AKAP8L: variants seen among roughly 807,000 people sequenced by gnomAD.
The protein encoded by AKAP8L is A-kinase anchoring protein 8 like.
In AKAP8L, 34 loss-of-function variants were observed where a neutral mutation model predicts 77.5. The observed-to-expected ratio is 0.44, with a 90% CI of 0.33 to 0.58. The LOEUF (loss-of-function observed/expected upper bound fraction) is 0.58. AKAP8L is among the 20% of genes least tolerant of loss of function. AKAP8L has a pLI of 0.02. For missense variants in AKAP8L, 806 were observed against 887.6 expected (o/e 0.91, Z 1.17); for synonymous variants, 342 against 340.7 (o/e 1.00, Z -0.04).
intron 2 of AKAP8L, among the ~76,000 whole-genome samples, chr19:15,408,900 G>A (rs887847598): frequency 1.3e-5 from 2 of 151,658 alleles, no homozygotes; most frequent in Non-Finnish European, 2.9e-5. Flanking sequence ...AGAAAAAATG[G>A]TTTTGTTTTT....
At chr19:15,413,782 T>A (rs911519546) in intron 1 of AKAP8L, among the ~76,000 whole-genome samples, 1 of 152,204 alleles carries the variant, frequency 6.6e-6, no homozygotes, top group Non-Finnish European at 1.5e-5. Context: ...GGTAATGTGA[T>A]CTGTGAGTAC....
rs186886949 is a variant in AKAP8L at position 15,400,047 on chromosome 19, C to T, written c.1048+248G>A. On this transcript the variant is annotated intron_variant, in intron 8 of 13. Transcript: ENST00000397410. ...CCACACTTTTACTAGCTGCCCCCAT[C>T]TGAAGGCAAAACCAGTGTGCTAGGC... 3.5e-3 allele frequency: 1,952 copies of T among 565,184 alleles called. 43 individuals are homozygous for T. The Admixed American group carries it at 0.039, about 11-fold the overall frequency. The allele number at this position is 565,184 out of a possible 1,614,324, so 35.0% of individuals were successfully genotyped here. A position where few individuals can be genotyped will look rare whatever the true frequency, so the allele number is the denominator to read the frequency against.
At chr19:15,408,666 G>C (rs887234074) in intron 2 of AKAP8L, among the ~76,000 whole-genome samples, 1 of 151,526 alleles carries the variant, frequency 6.6e-6, no homozygotes, top group East Asian at 1.9e-4. Context: ...GGAGGATCAC[G>C]AGGTCAGGAG....
In AKAP8L at chr19:15,380,505, C is replaced by T; in HGVS notation, c.1632+12G>A. 6.2e-7 allele frequency: 1 copy of T among 1,613,836 alleles called. No individual in the cohort carries two copies. The highest frequency in any genetic ancestry group is 2.2e-5 in the East Asian group (1 of 44,888). Reference sequence around the variant, plus strand: ...AAGCTGGGGACAGGGCAGGCCCGGACCAGTGCCTCACCTTCAGGTAGCGCT... The same window carrying T: ...AAGCTGGGGACAGGGCAGGCCCGGATCAGTGCCTCACCTTCAGGTAGCGCT... On this transcript the variant is annotated intron_variant, in intron 13 of 13. Transcript: ENST00000397410.
intron 12 of AKAP8L, chr19:15,383,927 C>CTTTTTTTTTTTTTTTTTTTTTTTT (rs3040939): frequency 2.4e-5 from 2 of 83,682 alleles, no homozygotes; most frequent in African/African-American, 5.0e-5. Context: ...AGGTCTATTT[C>CTTTTTTTTTTTTTTTTTTTTTTTT]TTTTTTTTTT....
intron 1 of AKAP8L, among the ~76,000 whole-genome samples, chr19:15,411,155 T>C (rs1356733631): frequency 6.6e-6 from 1 of 152,152 alleles, no homozygotes; most frequent in Non-Finnish European, 1.5e-5. Flanking sequence ...TAGCCTATTT[T>C]GAGAAATGAA....
chr19:15,400,725 G>A (rs748328494), intron 7 of AKAP8L, 69 bp downstream of exon 7: 1 of 1,566,740 alleles, frequency 6.4e-7, no homozygotes, highest in Non-Finnish European at 8.8e-7. Context: ...TGGCCCCCAG[G>A]GAGAGCACCA....
At chr19:15,418,802 G>C in intron 1 of AKAP8L, 109 bp downstream of exon 1, 1 of 1,109,740 alleles carries the variant, frequency 9.0e-7, no homozygotes, top group Non-Finnish European at 1.3e-6. Context: ...GTGACCGCAG[G>C]GAAGGCAGTG....
In AKAP8L at chr19:15,380,382, C is replaced by T. The variant is rs1967378683; in HGVS notation, c.1681G>A (p.Glu561Lys). 1.9e-6 allele frequency: 3 copies of T among 1,579,050 alleles called. No homozygotes were observed. Among genetic ancestry groups the T allele is most frequent in the Non-Finnish European group, 2.6e-6 (3 of 1,165,122 alleles). ...DSPEEEKEQEEAEGGALDEGA... is the reference protein window; with the variant it reads ...DSPEEEKEQEKAEGGALDEGA... Reference sequence around the variant, plus strand: ...TCGTCCAGGGCACCGCCCTCAGCCTCCTCCTGCTCCTTCTCCTCCTCGGGG... The same window carrying T: ...TCGTCCAGGGCACCGCCCTCAGCCTTCTCCTGCTCCTTCTCCTCCTCGGGG... The change falls in exon 14 of 14, where the codon GAG (glutamate) becomes AAG (lysine). Residue 561 changes from glutamate to lysine, a missense_variant. Coordinates refer to ENST00000397410, the MANE Select transcript of AKAP8L (RefSeq NM_014371.4).
chr19:15,397,768 T>C lies in AKAP8L; in HGVS notation c.1245A>G (p.Glu415=). 1 of 1,613,960 alleles carries C rather than the reference T, an allele frequency of 6.2e-7. No homozygotes were observed. Among genetic ancestry groups the C allele is most frequent in the Non-Finnish European group, 8.5e-7 (1 of 1,179,880 alleles). ...ASHLDSKFHK[E]HFKYVGTKLP... is the part of the protein sequence containing the mutation. ...GCTTGGTGCCTACGTACTTAAAGTG[T>C]TCCTTGTGGAACTTGCTGTCAAGAT... Residue 415 remains glutamate, a synonymous_variant, in exon 10 of 14, where the codon GAA becomes GAG. Transcript: ENST00000397410. The surrounding 1 kb of genome is among the most constrained non-coding windows in gnomAD (Gnocchi z 4.7).
intron 12 of AKAP8L, among the ~76,000 whole-genome samples, chr19:15,396,498 C>A (rs944520814): frequency 3.3e-5 from 5 of 152,202 alleles, no homozygotes; most frequent in African/African-American, 1.2e-4. Context: ...AACACACTTC[C>A]CTACTGCTCC....
intron 12 of AKAP8L, among the ~76,000 whole-genome samples, chr19:15,387,578 C>T (rs1320139386): frequency 6.6e-6 from 1 of 151,856 alleles, no homozygotes; most frequent in Non-Finnish European, 1.5e-5. Context: ...CATAGGCTAA[C>T]TAGGTTACCA....
At chr19:15,395,687 T>C (rs1967755460) in intron 12 of AKAP8L, among the ~76,000 whole-genome samples, 1 of 150,852 alleles carries the variant, frequency 6.6e-6, no homozygotes, top group Non-Finnish European at 1.5e-5. Context: ...GTTCCTAGCA[T>C]AAGAATCTGT....
At position 15,418,946 on chromosome 19, in the gene AKAP8L, G is replaced by A. The variant is rs1968274871; in HGVS notation, c.-23C>T. 1.2e-6 allele frequency: 2 copies of A among 1,603,272 alleles called. No individual in the cohort carries two copies. The highest frequency in any genetic ancestry group is 1.7e-6 in the Non-Finnish European group (2 of 1,178,912). On this transcript the variant is annotated 5_prime_UTR_variant, in exon 1 of 14. Transcript: ENST00000397410. ...CATGGTGGCGGGCAACACAACATCC[G>A]ACGACGCCGGCTTCTGCTGCTCTGA...
chr19:15,387,973 G>A (rs1355395290), intron 12 of AKAP8L, among the ~76,000 whole-genome samples: 4 of 151,908 alleles, frequency 2.6e-5, no homozygotes. Context: ...GAGGGGGCGG[G>A]GAGGGGAGGG....
chr19:15,380,065 T>C lies in AKAP8L; in HGVS notation c.*57A>G. On this transcript the variant is annotated 3_prime_UTR_variant, in exon 14 of 14. Coordinates refer to ENST00000397410, the MANE Select transcript of AKAP8L (RefSeq NM_014371.4). The stretch of plus-strand genomic sequence containing the variant: ...AACCCGGAGGTGGGATGGGAAAACT[T>C]TATTAGGTTTGGTTTCCAGCTTCGG... 1 of 1,423,088 alleles carries C rather than the reference T, an allele frequency of 7.0e-7. No homozygotes were observed. Among genetic ancestry groups the C allele is most frequent in the Non-Finnish European group, 9.1e-7 (1 of 1,099,572 alleles). 88.2% of individuals were successfully genotyped at this position (1,423,088 alleles called of 1,614,324 possible). A position where few individuals can be genotyped will look rare whatever the true frequency, so the allele number is the denominator to read the frequency against.
chr19:15,414,178 C>T (rs1233374631), intron 1 of AKAP8L, among the ~76,000 whole-genome samples: 1 of 151,162 alleles, frequency 6.6e-6, no homozygotes, highest in Non-Finnish European at 1.5e-5. Flanking sequence ...GATTCTCCTG[C>T]CTCAGCCTCC....
In AKAP8L at chr19:15,397,653, G is replaced by GC; in HGVS notation, c.1300-29dup. ...GCAAGGAATATAAAGGTTCATGTGG[G>GC]CCGCCTTATGTTCTCAGGGGTCCAA... On this transcript the variant is annotated intron_variant, in intron 10 of 13. Transcript: ENST00000397410. This position sits in a 1 kb window ranked among gnomAD's most constrained non-coding sequence, Gnocchi z 4.7. 6.2e-7 allele frequency: 1 copy of GC among 1,613,898 alleles called. No homozygotes were observed. The highest frequency in any genetic ancestry group is 1.1e-5 in the South Asian group (1 of 91,082).
chr19:15,392,475 C>A (rs1290053845), intron 12 of AKAP8L, among the ~76,000 whole-genome samples: 2 of 150,380 alleles, frequency 1.3e-5, no homozygotes, highest in Non-Finnish European at 3.0e-5. Context: ...CCAGCCTAGG[C>A]AACAGAGTGA....
Sources: gnomAD v4.1 joint callset for allele counts (sites outside exome capture counted in the v4.1 genomes callset) on GRCh38, gnomAD v4.1.1 for gene constraint, Gnocchi (gnomAD v3.1) non-coding constraint, MANE v1.5 for transcripts, NCBI Gene and HGNC (gene_info 2026-07-23, HGNC 2026-07-21) for gene names.